Variants in EPHA3 observed in about 807,000 individuals in gnomAD.
EPHA3 encodes the protein ephrin type-A receptor 3.
In EPHA3, 42 loss-of-function variants were observed where a neutral mutation model predicts 107.1. The ratio of observed to expected loss-of-function variants is 0.39; its 90% confidence interval spans 0.31 to 0.51. EPHA3 has a LOEUF of 0.51. Ranked by LOEUF, EPHA3 falls within the 20% of genes least tolerant of loss-of-function variation. The pLI is 0.78. For missense variants in EPHA3, 1,183 were observed against 1,211.2 expected (o/e 0.98, Z 0.35); for synonymous variants, 461 against 424.8 (o/e 1.09, Z -1.05).
At chr3:89,241,155 A>G (rs1996068) in intron 3 of EPHA3, among the ~76,000 whole-genome samples, 37,317 of 151,850 alleles carry the variant, frequency 0.25, 5,039 homozygotes, top group African/African-American at 0.38. Context: ...TTGCATAATA[A>G]TATACTTTTT....
At chr3:89,255,513 G>C (rs1026891984) in intron 3 of EPHA3, among the ~76,000 whole-genome samples, 2 of 152,202 alleles carry the variant, frequency 1.3e-5, no homozygotes, top group Non-Finnish European at 2.9e-5. Flanking sequence ...GACAACATCA[G>C]TAGTTATGAC....
intron 1 of EPHA3, among the ~76,000 whole-genome samples, chr3:89,121,235 C>CA (rs936150308): frequency 5.0e-5 from 7 of 141,278 alleles, no homozygotes; most frequent in African/African-American, 1.3e-4. Flanking sequence ...GACTCCGTCT[C>CA]AAAAAAATAA....
intron 5 of EPHA3, among the ~76,000 whole-genome samples, chr3:89,359,388 A>G (rs1350116496): frequency 6.6e-6 from 1 of 150,792 alleles, no homozygotes; most frequent in Non-Finnish European, 1.5e-5. Context: ...AACGATTAAA[A>G]TGAGTTTCAA....
At chr3:89,448,547 G>A (rs1186233715) in intron 13 of EPHA3, among the ~76,000 whole-genome samples, 3 of 152,014 alleles carry the variant, frequency 2.0e-5, no homozygotes, top group Admixed American at 1.3e-4. Context: ...ACTTATAAAA[G>A]CAATATTATT....
chr3:89,237,842 G>A (rs142004213), intron 3 of EPHA3, among the ~76,000 whole-genome samples: 2 of 152,230 alleles, frequency 1.3e-5, no homozygotes, highest in East Asian at 1.9e-4. Context: ...AGCTGGGCAT[G>A]GTGGTAAATT....
In EPHA3 at chr3:89,219,703, G is replaced by GTTTTTTT. The variant is rs796857390; in HGVS notation, c.814+9189_814+9190insTTTTTTT. Among the ~76,000 whole-genome samples the GTTTTTTT allele has an allele frequency of 5.5e-3, 144 of 26,188 alleles. 11 individuals are homozygous for GTTTTTTT. The highest frequency in any genetic ancestry group is 0.015 in the African/African-American group (116 of 7,530). The allele number at this position is 26,188 out of a possible 152,430, so 17.2% of individuals were successfully genotyped here. ...ATTTGGCAATGTTTTTTTTTTTTTTGTTTTTTGTTTTTTTTTTTTTTTTGA... is the reference window on the plus strand; with the variant it reads ...ATTTGGCAATGTTTTTTTTTTTTTTGTTTTTTTTTTTTTGTTTTTTTTTTTTTTTTGA... On this transcript the variant is annotated intron_variant, in intron 3 of 16. Transcript: ENST00000336596.
chr3:89,369,893 A>G (rs1708259451), intron 5 of EPHA3, among the ~76,000 whole-genome samples: 1 of 150,726 alleles, frequency 6.6e-6, no homozygotes, highest in South Asian at 2.1e-4. Context: ...GCAGCCAAAA[A>G]ACACATGAAA....
intron 3 of EPHA3, among the ~76,000 whole-genome samples, chr3:89,228,896 T>C (rs1339793654): frequency 6.6e-6 from 1 of 151,906 alleles, no homozygotes; most frequent in Non-Finnish European, 1.5e-5. Flanking sequence ...AGGCAGTACA[T>C]GAGCTTTTGT....
At chr3:89,303,971 C>A (rs1706551621) in intron 3 of EPHA3, among the ~76,000 whole-genome samples, 1 of 152,098 alleles carries the variant, frequency 6.6e-6, no homozygotes, top group African/African-American at 2.4e-5. Flanking sequence ...TTGAACCAGA[C>A]TTACTTTTCT....
At chr3:89,301,568 G>C (rs1194592781) in intron 3 of EPHA3, among the ~76,000 whole-genome samples, 1 of 151,966 alleles carries the variant, frequency 6.6e-6, no homozygotes, top group Non-Finnish European at 1.5e-5. Context: ...CATGTTGGTG[G>C]ATGTTTATGA....
At chr3:89,168,893 C>T (rs537011974) in intron 2 of EPHA3, among the ~76,000 whole-genome samples, 2 of 152,026 alleles carry the variant, frequency 1.3e-5, no homozygotes, top group African/African-American at 4.8e-5. Context: ...ATAAAACTAG[C>T]AGAAAATTAT....
chr3:89,228,190 G>T (rs1236775946), intron 3 of EPHA3, among the ~76,000 whole-genome samples: 1 of 151,924 alleles, frequency 6.6e-6, no homozygotes, highest in Non-Finnish European at 1.5e-5. Flanking sequence ...AATAGTTTCT[G>T]CTGAAAACTG....
At chr3:89,173,101 C>T (rs1705243935) in intron 2 of EPHA3, among the ~76,000 whole-genome samples, 1 of 151,926 alleles carries the variant, frequency 6.6e-6, no homozygotes, top group African/African-American at 2.4e-5. Flanking sequence ...ATAAATGTAT[C>T]CACCAAAAAA....
intron 5 of EPHA3, among the ~76,000 whole-genome samples, chr3:89,386,138 G>A (rs1177632481): frequency 6.6e-6 from 1 of 152,088 alleles, no homozygotes; most frequent in East Asian, 1.9e-4. Context: ...CCTGATAATG[G>A]AGTAGAAAAG....
chr3:89,218,495 C>T (rs1341188009), intron 3 of EPHA3, among the ~76,000 whole-genome samples: 1 of 151,966 alleles, frequency 6.6e-6, no homozygotes, highest in Non-Finnish European at 1.5e-5. Context: ...CATAGTATTC[C>T]ATGGTGTATA....
chr3:89,428,477 A>G (rs1709500559), intron 11 of EPHA3, among the ~76,000 whole-genome samples: 1 of 152,140 alleles, frequency 6.6e-6, no homozygotes, highest in African/African-American at 2.4e-5. Flanking sequence ...TACTGCCAAT[A>G]GCAATTTTAA....
intron 2 of EPHA3, among the ~76,000 whole-genome samples, chr3:89,133,027 C>T (rs1704238339): frequency 6.6e-6 from 1 of 152,132 alleles, no homozygotes; most frequent in Non-Finnish European, 1.5e-5. Flanking sequence ...TCTAAGAATA[C>T]AAATACATAT....
rs191562499 is a variant in EPHA3 at position 89,239,577 on chromosome 3, G to C, written c.814+29057G>C. Among the ~76,000 whole-genome samples, 46 of 152,200 alleles carry C rather than the reference G, an allele frequency of 3.0e-4. 1 individual carries two copies. In the East Asian group the frequency reaches 5.4e-3, roughly 18 times the overall value. On this transcript the variant is annotated intron_variant, in intron 3 of 16. Transcript: ENST00000336596. Reference sequence around the variant, plus strand: ...ATTAAGTTTTGAATGAAGTAAATGGGAATTCATAGTAGCATTTTAAAAAAT... The same window carrying C: ...ATTAAGTTTTGAATGAAGTAAATGGCAATTCATAGTAGCATTTTAAAAAAT...
At chr3:89,172,594 TG>T (rs1705235210) in intron 2 of EPHA3, among the ~76,000 whole-genome samples, 1 of 152,204 alleles carries the variant, frequency 6.6e-6, no homozygotes, top group African/African-American at 2.4e-5. Context: ...TCGATTCAAG[TG>T]GATCCATTGG....
Sources: gnomAD v4.1 joint callset for allele counts (sites outside exome capture counted in the v4.1 genomes callset) on GRCh38, gnomAD v4.1.1 for gene constraint, MANE v1.5 for transcripts, NCBI Gene and HGNC (gene_info 2026-07-23, HGNC 2026-07-21) for gene names.